The following AKAP9 variants were observed in gnomAD, a reference collection of about 807,000 sequenced individuals.
AKAP9 encodes A-kinase anchor protein 9.
In AKAP9, 311 loss-of-function variants were observed where a neutral mutation model predicts 488.5. That is an observed-to-expected ratio of 0.64 (90% CI 0.58 to 0.70). The LOEUF is 0.70. Ranked by LOEUF, AKAP9 falls within the 30% of genes least tolerant of loss-of-function variation. The pLI, the probability that AKAP9 is intolerant of heterozygous loss-of-function variation, is 0.00. For missense variants in AKAP9, 4,215 were observed against 4,374.5 expected (o/e 0.96, Z 1.03); for synonymous variants, 1,462 against 1,483.5 (o/e 0.99, Z 0.33).
At chr7:92,070,678 A>G (rs1584418787) in intron 27 of AKAP9, among the ~76,000 whole-genome samples, 1 of 151,692 alleles carries the variant, frequency 6.6e-6, no homozygotes, top group Non-Finnish European at 1.5e-5. Context: ...CAGGTGATCC[A>G]CCTACCTCAG....
rs1283390674 is a variant in AKAP9, at chr7:92,001,542, A to G, written c.1625A>G (p.Glu542Gly). 2 of 1,613,934 alleles carry G rather than the reference A, an allele frequency of 1.2e-6. No homozygotes were observed. The highest frequency in any genetic ancestry group is 3.3e-5 in the Admixed American group (2 of 59,994). The change falls in exon 8 of 50, where the codon GAA becomes GGA. Residue 542 changes from glutamate (E) to glycine (G), a missense_variant. By Grantham distance (98) the Glu-to-Gly change is moderately conservative. This residue lies in a region of AKAP9 where 2,361 missense variants were observed against 2,430.0 expected (regional missense o/e 0.97). Transcript: ENST00000356239. ...DLVEELSFSR[E>G]QIQRARQTIA... Reference sequence around the variant, plus strand: ...GTTGAAGAATTGAGCTTTTCAAGGGAACAGATTCAGAGAGCTAGACAGACA... The same window carrying G: ...GTTGAAGAATTGAGCTTTTCAAGGGGACAGATTCAGAGAGCTAGACAGACA...
chr7:91,988,297 C>CAAAA lies in AKAP9; in HGVS notation c.352-3836_352-3833dup, dbSNP rs5885797. 2.2e-4 allele frequency among the ~76,000 whole-genome samples: 12 copies of CAAAA among 53,654 alleles called. 2 individuals carry two copies. Among genetic ancestry groups the CAAAA allele is most frequent in the African/African-American group, 7.8e-4 (11 of 14,160 alleles). The allele number at this position is 53,654 out of a possible 152,430, so 35.2% of individuals were successfully genotyped here. On this transcript the variant is annotated intron_variant, in intron 3 of 49. Coordinates refer to ENST00000356239, the MANE Select transcript of AKAP9 (RefSeq NM_005751.5). ...TTGGTGACAGAGCAAGACCCCCTCT[C>CAAAA]AAAAAAAAAAAAAAAAAAAAAAAAA...
intron 1 of AKAP9, among the ~76,000 whole-genome samples, chr7:91,965,897 C>T (rs1436202103): frequency 1.3e-5 from 2 of 152,044 alleles, no homozygotes; most frequent in Non-Finnish European, 2.9e-5. Flanking sequence ...TTTTGCTGTC[C>T]AGCTGTTTGA....
chr7:91,988,952 G>T (rs1797442467), intron 3 of AKAP9, among the ~76,000 whole-genome samples: 1 of 152,110 alleles, frequency 6.6e-6, no homozygotes, highest in South Asian at 2.1e-4. Context: ...TAAAATGGGG[G>T]ACGATGATAT....
chr7:92,087,718 T>C (rs1383299048), intron 37 of AKAP9, among the ~76,000 whole-genome samples: 2 of 151,992 alleles, frequency 1.3e-5, no homozygotes, highest in Non-Finnish European at 2.9e-5. Flanking sequence ...AGTAAGGAAT[T>C]GTTCAAAGAA....
At chr7:91,963,965 C>T (rs981868665) in intron 1 of AKAP9, among the ~76,000 whole-genome samples, 2 of 151,882 alleles carry the variant, frequency 1.3e-5, no homozygotes, top group African/African-American at 4.9e-5. Flanking sequence ...CACAACAAAG[C>T]TTACACCTTT....
Position 92,061,251 on chromosome 7 carries a change from T to C in AKAP9, c.5602-9T>C. 6.2e-7 allele frequency: 1 copy of C among 1,611,448 alleles called. No individual in the cohort carries two copies. The highest frequency in any genetic ancestry group is 1.3e-5 in the African/African-American group (1 of 74,898). On this transcript the variant is annotated splice_polypyrimidine_tract_variant and intron_variant, in intron 22 of 49. Coordinates refer to ENST00000356239, the MANE Select transcript of AKAP9 (RefSeq NM_005751.5). ...TTTTCTTTTATGTATTGTTTCCCTC[T>C]TTGTTTAGCTTGAACATGCGAAAGT...
chr7:91,944,218 A>G (rs1329892402), intron 1 of AKAP9, among the ~76,000 whole-genome samples: 2 of 152,188 alleles, frequency 1.3e-5, no homozygotes, highest in East Asian at 3.8e-4. Context: ...AGTTACCAGG[A>G]AAAGGTATAT....
At position 92,082,648 on chromosome 7, in the gene AKAP9, CAAG is replaced by C. The variant is rs752164981; in HGVS notation, c.8151_8153del (p.Glu2718del). ...TTATAAAGAAAAGGCTGAAAAACTT[CAAG>C]AAGAGCTTTTGGTAAGATAAGTAAC... On this transcript the variant is annotated inframe_deletion, in exon 32 of 50. Transcript: ENST00000356239. 4.3e-6 allele frequency: 7 copies of C among 1,613,774 alleles called. No individual in the cohort carries two copies. The African/African-American group carries it at 5.3e-5, about 12-fold the overall frequency.
Position 92,070,053 on chromosome 7 carries a change from G to A in AKAP9, c.6354G>A (p.Leu2118=). 1 of 1,612,108 alleles carries A rather than the reference G, an allele frequency of 6.2e-7. No individual in the cohort carries two copies. Among genetic ancestry groups the A allele is most frequent in the Non-Finnish European group, 8.5e-7 (1 of 1,179,550 alleles). The change falls in exon 27 of 50, where the codon CTG becomes CTA. Residue 2118 remains leucine (L), a synonymous_variant. Transcript: ENST00000356239. ...AGGTTGAACAGTTAGCAAATCATCTGAAAGAAAAAACAGACAAATGCAGTG... is the reference window on the plus strand; with the variant it reads ...AGGTTGAACAGTTAGCAAATCATCTAAAAGAAAAAACAGACAAATGCAGTG... ...TREVEQLANH[L]KEKTDKCSEL...
chr7:92,099,651 G>A (rs370487611), intron 43 of AKAP9, 36 bp from the exon 44 acceptor site: 58 of 1,602,530 alleles, frequency 3.6e-5, no homozygotes, highest in Non-Finnish European at 3.6e-5. Flanking sequence ...ACATCCATTT[G>A]TGCTTAAGTG....
In AKAP9 at chr7:91,993,176, T is replaced by TTTC. The variant is rs200558972; in HGVS notation, c.576+139_576+141dup. 445 of 1,033,172 alleles carry TTTC rather than the reference T, an allele frequency of 4.3e-4. 2 individuals carry two copies. In the African/African-American group the frequency reaches 5.2e-3, roughly 12 times the overall value. 64.0% of individuals were successfully genotyped at this position (1,033,172 alleles called of 1,614,324 possible). A position where few individuals can be genotyped will look rare whatever the true frequency, so the allele number is the denominator to read the frequency against. ...TTTTTTTTTAACTTTTTTCTTTTCT[T>TTTC]TTCTTCTTCTTCTTCTTCTTTTTTT... is the stretch of plus-strand genomic sequence containing the variant. On this transcript the variant is annotated intron_variant, in intron 5 of 49. Coordinates refer to ENST00000356239, the MANE Select transcript of AKAP9 (RefSeq NM_005751.5).
In AKAP9 at chr7:92,102,448, TTACTAC is replaced by T. The variant is rs11276778; in HGVS notation, c.11098-109_11098-104del. 0.36 allele frequency: 215,769 copies of T among 591,864 alleles called. 25,106 individuals carry two copies. Among genetic ancestry groups the T allele is most frequent in the East Asian group, 0.45 (15,316 of 34,302 alleles). 36.7% of individuals were successfully genotyped at this position (591,864 alleles called of 1,614,324 possible). A position where few individuals can be genotyped will look rare whatever the true frequency, so the allele number is the denominator to read the frequency against. The stretch of plus-strand genomic sequence containing the variant: ...GTGATAGGAACCTGCCGTTTTACTA[TTACTAC>T]TACTACTACTACTACTACTACTACT... On this transcript the variant is annotated intron_variant, in intron 45 of 49. Transcript: ENST00000356239.
chr7:91,959,983 CTTT>C (rs1357498159), intron 1 of AKAP9, among the ~76,000 whole-genome samples: 1 of 152,144 alleles, frequency 6.6e-6, no homozygotes, highest in Non-Finnish European at 1.5e-5. Context: ...CTGTTATAAT[CTTT>C]TTATTTCCCT....
Position 91,992,920 on chromosome 7 carries a change from A to T in AKAP9, c.441A>T (p.Glu147Asp), listed in dbSNP as rs185898118. 35 of 1,614,058 alleles carry T rather than the reference A, an allele frequency of 2.2e-5. No homozygotes were observed. The East Asian group carries it at 6.7e-4, about 31-fold the overall frequency. Reference protein sequence around the residue: ...EEFGVDDSYSEQGAQDSPTHL... With the variant: ...EEFGVDDSYSDQGAQDSPTHL... ...TTGGTGTTGATGATTCTTATTCTGA[A>T]CAAGGAGCACAAGACAGTCCGACTC... The change falls in exon 5 of 50, where the codon GAA becomes GAT. Residue 147 changes from glutamate (E) to aspartate (D), a missense_variant. By Grantham distance (45) the Glu-to-Asp change is conservative. This residue lies in a region of AKAP9 where 2,361 missense variants were observed against 2,430.0 expected (regional missense o/e 0.97). Coordinates refer to ENST00000356239, the MANE Select transcript of AKAP9 (RefSeq NM_005751.5).
intron 21 of AKAP9, among the ~76,000 whole-genome samples, chr7:92,047,304 C>T (rs979817884): frequency 1.3e-5 from 2 of 152,116 alleles, no homozygotes; most frequent in African/African-American, 4.8e-5. Flanking sequence ...GCAACCTCCA[C>T]CTCCTGGGTT....
At chr7:92,013,180 A>T (rs1318226928) in intron 9 of AKAP9, among the ~76,000 whole-genome samples, 1 of 149,346 alleles carries the variant, frequency 6.7e-6, no homozygotes, top group Admixed American at 6.7e-5. Flanking sequence ...TTTAGTAGAG[A>T]CGGGGTTTCA....
intron 11 of AKAP9, 54 bp from the exon 12 acceptor site, chr7:92,016,963 A>C: frequency 7.7e-7 from 1 of 1,293,214 alleles, no homozygotes. Flanking sequence ...TTATTGAAAG[A>C]TGCAGACTTT....
intron 26 of AKAP9, among the ~76,000 whole-genome samples, chr7:92,069,679 C>T (rs1276168597): frequency 6.6e-6 from 1 of 152,084 alleles, no homozygotes; most frequent in East Asian, 1.9e-4. Flanking sequence ...GTGAAATGCT[C>T]CAATGAGCAT....
Sources: gnomAD v4.1 joint callset for allele counts (sites outside exome capture counted in the v4.1 genomes callset) on GRCh38, gnomAD v4.1.1 for gene constraint, gnomAD v4.1.1 regional missense constraint, MANE v1.5 for transcripts, NCBI Gene and HGNC (gene_info 2026-07-23, HGNC 2026-07-21) for gene names.